RIMS2: variants seen among roughly 807,000 people sequenced by gnomAD.
The protein encoded by RIMS2 is regulating synaptic membrane exocytosis 2.
RIMS2 carries 59 observed loss-of-function variants against 174.4 expected under a neutral mutation model. The observed-to-expected ratio is 0.34, with a 90% CI of 0.27 to 0.42. RIMS2 has a LOEUF of 0.42. Among genes scored for constraint, RIMS2 ranks in the 10% least tolerant of loss-of-function variants. The pLI is 1.00. For missense variants in RIMS2, 1,620 were observed against 1,666.3 expected, an observed-to-expected ratio of 0.97 and a Z score of 0.48; for synonymous variants, 606 against 572.5, an observed-to-expected ratio of 1.06 and a Z score of -0.84.
At chr8:103,621,422 G>A (rs1352894385) in intron 1 of RIMS2, among the ~76,000 whole-genome samples, 1 of 152,348 alleles carries the variant, frequency 6.6e-6, no homozygotes, top group East Asian at 1.9e-4. Flanking sequence ...GAAGGAGGAA[G>A]TAACTTGTGG....
intron 19 of RIMS2, among the ~76,000 whole-genome samples, chr8:104,088,554 T>G (rs1374458526): frequency 2.0e-5 from 3 of 152,088 alleles, no homozygotes; most frequent in Admixed American, 1.3e-4. Flanking sequence ...AAAATTGGGC[T>G]TCTATATTAT....
intron 3 of RIMS2, among the ~76,000 whole-genome samples, chr8:103,824,571 G>A (rs994958034): frequency 6.6e-6 from 1 of 152,058 alleles, no homozygotes; most frequent in East Asian, 1.9e-4. Context: ...AAATATGAGG[G>A]CTCTTTATTT....
chr8:103,536,662 A>G (rs776693453), intron 1 of RIMS2, among the ~76,000 whole-genome samples: 1 of 152,124 alleles, frequency 6.6e-6, no homozygotes, highest in Non-Finnish European at 1.5e-5. Context: ...GGGAGGTGCT[A>G]TACGCTTTTA....
chr8:103,994,726 A>G (rs1193129244), intron 17 of RIMS2, among the ~76,000 whole-genome samples: 2 of 152,116 alleles, frequency 1.3e-5, no homozygotes, highest in African/African-American at 4.8e-5. Flanking sequence ...GAGTTTTTAT[A>G]GTTTTCAACA....
intron 14 of RIMS2, among the ~76,000 whole-genome samples, chr8:103,951,790 A>G (rs1159444635): frequency 1.3e-5 from 2 of 152,190 alleles, no homozygotes; most frequent in Non-Finnish European, 2.9e-5. Flanking sequence ...GAAGCCAGGG[A>G]GCCAAGTGGT....
At position 103,912,043 on chromosome 8, in the gene RIMS2, A is replaced by C; in HGVS notation, c.1693-10A>C. 1 of 1,534,044 alleles carries C rather than the reference A, an allele frequency of 6.5e-7. No homozygotes were observed. The highest frequency in any genetic ancestry group is 8.8e-7 in the Non-Finnish European group (1 of 1,136,102). On this transcript the variant is annotated splice_polypyrimidine_tract_variant and intron_variant, in intron 5 of 23. Coordinates refer to ENST00000504942, the Ensembl canonical transcript of RIMS2. ...ATTTATTTATTTTGTTTGTTGATGC[A>C]AAATGTCAGCACCCTGTAACCTGGC...
chr8:103,836,959 G>A (rs1172094773), intron 3 of RIMS2, among the ~76,000 whole-genome samples: 1 of 152,168 alleles, frequency 6.6e-6, no homozygotes, highest in African/African-American at 2.4e-5. Context: ...ATATGGAATT[G>A]TTCACCTGCA....
At chr8:103,637,615 T>C (rs976192261) in intron 1 of RIMS2, among the ~76,000 whole-genome samples, 13 of 152,202 alleles carry the variant, frequency 8.5e-5, no homozygotes, top group Admixed American at 6.5e-5. Flanking sequence ...TTTAAATTTT[T>C]AGGAGAGTTG....
At chr8:104,090,342 A>G (rs2097627411) in intron 19 of RIMS2, among the ~76,000 whole-genome samples, 1 of 151,748 alleles carries the variant, frequency 6.6e-6, no homozygotes, top group African/African-American at 2.4e-5. Context: ...TTTAAAAACT[A>G]AACAAATTAA....
intron 16 of RIMS2, chr8:103,976,867 G>T (rs2093489974): frequency 6.6e-6 from 1 of 152,098 alleles, no homozygotes; most frequent in South Asian, 2.1e-4. Context: ...GGGAAGAATG[G>T]CTCAGAAAAT....
At chr8:103,872,573 A>G (rs1019015481) in intron 3 of RIMS2, among the ~76,000 whole-genome samples, 1 of 152,228 alleles carries the variant, frequency 6.6e-6, no homozygotes, top group African/African-American at 2.4e-5. Context: ...GGAAGTTAAC[A>G]GAGACCTGTC....
At chr8:103,675,988 T>G (rs533571984) in intron 1 of RIMS2, among the ~76,000 whole-genome samples, 1 of 152,290 alleles carries the variant, frequency 6.6e-6, no homozygotes, top group African/African-American at 2.4e-5. Flanking sequence ...GGTAGAAAAT[T>G]TATATCTGAA....
chr8:104,162,717 G>A (rs773868050), intron 19 of RIMS2, among the ~76,000 whole-genome samples: 1 of 152,032 alleles, frequency 6.6e-6, no homozygotes, highest in East Asian at 1.9e-4. Context: ...TAGCCAACAG[G>A]CATTGTCCAG....
chr8:103,737,800 G>T (rs893149262), intron 2 of RIMS2, among the ~76,000 whole-genome samples: 3 of 152,104 alleles, frequency 2.0e-5, no homozygotes, highest in African/African-American at 7.2e-5. Flanking sequence ...TACATGGCAA[G>T]CTCATTCTCA....
intron 19 of RIMS2, among the ~76,000 whole-genome samples, chr8:104,173,743 T>C (rs1023190019): frequency 5.5e-5 from 8 of 146,016 alleles, no homozygotes; most frequent in African/African-American, 1.5e-4. Context: ...ATTCTCCTGC[T>C]TCAGCCTCCC....
intron 19 of RIMS2, among the ~76,000 whole-genome samples, chr8:104,225,434 C>A (rs1214460801): frequency 6.6e-6 from 1 of 152,130 alleles, no homozygotes; most frequent in Non-Finnish European, 1.5e-5. Flanking sequence ...CCTGAAAATA[C>A]ATATTTAAAT....
chr8:103,635,579 G>T (rs1004182174), intron 1 of RIMS2, among the ~76,000 whole-genome samples: 3 of 152,368 alleles, frequency 2.0e-5, no homozygotes, highest in African/African-American at 7.2e-5. Context: ...GTAACAGCCT[G>T]TTCCTCCCTC....
At chr8:103,933,020 C>T (rs945349762) in intron 12 of RIMS2, among the ~76,000 whole-genome samples, 2 of 149,874 alleles carry the variant, frequency 1.3e-5, no homozygotes, top group Admixed American at 6.7e-5. Context: ...TGGCCAGGCG[C>T]GGTGGCTCAT....
chr8:103,843,647 A>G (rs937934594), intron 3 of RIMS2, among the ~76,000 whole-genome samples: 10 of 152,180 alleles, frequency 6.6e-5, no homozygotes, highest in African/African-American at 2.4e-4. Context: ...AAGGCACACT[A>G]TAGTTAGAAT....
Sources: allele counts gnomAD v4.1 joint callset (sites outside exome capture counted in the v4.1 genomes callset), GRCh38; gene constraint gnomAD v4.1.1; transcripts MANE v1.5; gene names NCBI Gene and HGNC (gene_info 2026-07-23, HGNC 2026-07-21).